The following RABEP2 variants were observed in gnomAD, a reference collection of about 807,000 sequenced individuals.
RABEP2 encodes rab GTPase-binding effector protein 2.
A neutral mutation model predicts 74.1 loss-of-function variants in RABEP2; 57 were observed. That is an observed-to-expected ratio of 0.77 (90% confidence interval 0.62 to 0.96). RABEP2 has a LOEUF of 0.96. RABEP2 is among the 40% of genes least tolerant of loss of function. The pLI is 0.00. For missense variants in RABEP2, 692 were observed against 756.3 expected, an observed-to-expected ratio of 0.91 and a Z score of 1.00; for synonymous variants, 351 against 344.0, an observed-to-expected ratio of 1.02 and a Z score of -0.23.
intron 2 of RABEP2, among the ~76,000 whole-genome samples, chr16:28,921,737 G>A (rs546478032): frequency 1.3e-5 from 2 of 150,670 alleles, no homozygotes; most frequent in Admixed American, 1.3e-4. Context: ...AGGCCGAGGT[G>A]GGCAGATCAT....
At chr16:28,909,743 G>A (rs969560277) in intron 7 of RABEP2, among the ~76,000 whole-genome samples, 2 of 151,264 alleles carry the variant, frequency 1.3e-5, no homozygotes, top group African/African-American at 4.9e-5. Context: ...AAAAACAGGA[G>A]GCCGGGCTCA....
intron 2 of RABEP2, among the ~76,000 whole-genome samples, chr16:28,922,511 G>T (rs1184317077): frequency 6.6e-6 from 1 of 152,032 alleles, no homozygotes; most frequent in Non-Finnish European, 1.5e-5. Flanking sequence ...CACGAGGTCA[G>T]GAGATCGAGA....
At position 28,905,743 on chromosome 16, in the gene RABEP2, C is replaced by T; in HGVS notation, c.1452G>A (p.Leu484=). 6.2e-7 allele frequency: 1 copy of T among 1,614,056 alleles called. No individual in the cohort carries two copies. Among genetic ancestry groups the T allele is most frequent in the Non-Finnish European group, 8.5e-7 (1 of 1,179,962 alleles). Residue 484 remains leucine (L), a synonymous_variant, in exon 11 of 13, where the codon CTG becomes CTA. Coordinates refer to ENST00000358201, the MANE Select transcript of RABEP2 (RefSeq NM_024816.3). ...GCTGCACCCGCTCCATCTCTGTCCTCAGGCTGCACAGGGAGGCTGGGAAGT... is the reference window on the plus strand; with the variant it reads ...GCTGCACCCGCTCCATCTCTGTCCTTAGGCTGCACAGGGAGGCTGGGAAGT... The part of the protein sequence containing the change: ...TEVLEASLCS[L]RTEMERVQQE...
rs552430738 is a variant in RABEP2, at chr16:28,910,568, C to A, written c.1089+320G>T. The A allele has an allele frequency of 1.5e-3, 357 of 237,364 alleles. 7 individuals are homozygous for A. Among genetic ancestry groups the A allele is most frequent in the Non-Finnish European group, 2.9e-4 (35 of 120,716 alleles). 14.7% of individuals were successfully genotyped at this position (237,364 alleles called of 1,614,324 possible). A position where few individuals can be genotyped will look rare whatever the true frequency, so the allele number is the denominator to read the frequency against. The stretch of plus-strand genomic sequence containing the variant: ...AGGATTACAGGTATGAGTCACCTCG[C>A]CCAGTCAGATTTGATTTTAATCCTC... On this transcript the variant is annotated intron_variant, in intron 7 of 12. Transcript: ENST00000358201.
At chr16:28,912,661 C>CTTCAGTGTCCCAAAGTGCTGA (rs1418411376) in intron 5 of RABEP2, among the ~76,000 whole-genome samples, 1 of 152,086 alleles carries the variant, frequency 6.6e-6, no homozygotes, top group Non-Finnish European at 1.5e-5. Context: ...ATTCTGCCCG[C>CTTCAGTGTCCCAAAGTGCTGA]TTCAGTGTCC....
chr16:28,911,040 G>A (rs2042008581), intron 6 of RABEP2, 44 bp downstream of exon 6: 1 of 1,610,118 alleles, frequency 6.2e-7, no homozygotes, highest in Admixed American at 1.7e-5. Flanking sequence ...GGGGCGGCAG[G>A]TAGCCAGAGG....
chr16:28,914,761 G>A lies in RABEP2; in HGVS notation c.454C>T (p.Leu152=). Residue 152 remains leucine, a synonymous_variant, in exon 4 of 13, where the codon CTG becomes TTG. Transcript: ENST00000358201. ...TCCATGGGCAGTACGATCTCCCGCA[G>A]CTTCTCCGAGTCCTCGTGGGCCTGG... ...MEKAHEDSEK[L]REIVLPMEKE... The A allele has an allele frequency of 6.2e-7, 1 of 1,614,150 alleles. No homozygotes were observed.
intron 7 of RABEP2, among the ~76,000 whole-genome samples, 154 bp from the exon 8 acceptor site, chr16:28,908,918 A>G (rs1000705449): frequency 5.3e-5 from 8 of 151,742 alleles, no homozygotes; most frequent in South Asian, 2.1e-4. Flanking sequence ...TTTTGCTACC[A>G]AGCTCTTCAG....
At chr16:28,906,368 C>T (rs1375161093) in intron 8 of RABEP2, among the ~76,000 whole-genome samples, 172 bp from the exon 9 acceptor site, 1 of 152,202 alleles carries the variant, frequency 6.6e-6, no homozygotes, top group African/African-American at 2.4e-5. Flanking sequence ...AGGACAGGTG[C>T]GCTCCGGCCC....
At chr16:28,924,339 CT>C in intron 2 of RABEP2, 63 bp downstream of exon 2, 1 of 1,504,912 alleles carries the variant, frequency 6.6e-7, no homozygotes, top group Non-Finnish European at 9.1e-7. Context: ...CCCCCAATCC[CT>C]TTCTCGTCAT....
In RABEP2 at chr16:28,911,531, C is replaced by T. The variant is rs536178881; in HGVS notation, c.895-352G>A. Among the ~76,000 whole-genome samples, 347 of 151,764 alleles carry T rather than the reference C, an allele frequency of 2.3e-3. 2 individuals carry two copies. The highest frequency in any genetic ancestry group is 3.4e-3 in the Middle Eastern group (1 of 294). On this transcript the variant is annotated intron_variant, in intron 5 of 12. Transcript: ENST00000358201. ...ACAAAAAATTAGCCGGGCGTGGTGG[C>T]GGGACACCTGTAATCTCAGCTACTC...
At chr16:28,906,946 G>A (rs948439120) in intron 8 of RABEP2, among the ~76,000 whole-genome samples, 5 of 152,016 alleles carry the variant, frequency 3.3e-5, no homozygotes, top group Non-Finnish European at 5.9e-5. Flanking sequence ...GCGACAGAGC[G>A]AGACTCTGTC....
chr16:28,919,561 CTTAAG>C lies in RABEP2; in HGVS notation c.432+220_432+224del, dbSNP rs754397333. ...TGTAAGTTCCCTTCCCTCTACATAA[CTTAAG>C]TTAATTTTGGAGCTAAGCGAACTTG... On this transcript the variant is annotated intron_variant, in intron 3 of 12. Transcript: ENST00000358201. 112 of 412,374 alleles carry C rather than the reference CTTAAG, an allele frequency of 2.7e-4. 5 individuals carry two copies. The highest frequency in any genetic ancestry group is 1.0e-3 in the East Asian group (29 of 27,814). 25.5% of individuals were successfully genotyped at this position (412,374 alleles called of 1,614,324 possible).
chr16:28,915,825 C>A (rs1214712318), intron 3 of RABEP2, among the ~76,000 whole-genome samples: 1 of 151,724 alleles, frequency 6.6e-6, no homozygotes, highest in Non-Finnish European at 1.5e-5. Flanking sequence ...TGTGAGCCAC[C>A]GTGCCTGGCC....
At chr16:28,913,221 C>T (rs938521303) in intron 5 of RABEP2, among the ~76,000 whole-genome samples, 3 of 151,970 alleles carry the variant, frequency 2.0e-5, no homozygotes, top group East Asian at 1.9e-4. Flanking sequence ...TGAGCCACCG[C>T]GCCCGGCCTG....
chr16:28,907,995 T>C (rs990668494), intron 8 of RABEP2, among the ~76,000 whole-genome samples: 3 of 152,104 alleles, frequency 2.0e-5, no homozygotes, highest in Non-Finnish European at 2.9e-5. Flanking sequence ...AGATGGGGTT[T>C]TGCCATGTTG....
At chr16:28,910,817 C>G in intron 7 of RABEP2, 71 bp downstream of exon 7, 1 of 1,356,590 alleles carries the variant, frequency 7.4e-7, no homozygotes, top group Non-Finnish European at 1.0e-6. Context: ...CCCACGTGCC[C>G]CCTTCCACCA....
rs1485219625 is a variant in RABEP2, at chr16:28,905,296, G to A, written c.1608+101C>T. 2.1e-5 allele frequency: 18 copies of A among 856,454 alleles called. No homozygotes were observed. In the South Asian group the frequency reaches 2.4e-4, roughly 12 times the overall value. 53.1% of individuals were successfully genotyped at this position (856,454 alleles called of 1,614,324 possible). A position where few individuals can be genotyped will look rare whatever the true frequency, so the allele number is the denominator to read the frequency against. On this transcript the variant is annotated intron_variant, in intron 12 of 12. Transcript: ENST00000358201. The stretch of plus-strand genomic sequence containing the variant: ...GACAGGACCATGCCAGCCCCAGGAG[G>A]AAGAAAGGACTCCCCTAACCAGGGA...
At chr16:28,921,032 T>G (rs571302399) in intron 2 of RABEP2, 2 of 364,364 alleles carry the variant, frequency 5.5e-6, no homozygotes, top group East Asian at 1.6e-4. Flanking sequence ...CCTGGCTAAT[T>G]TTTGTATTTT....
Sources: allele counts gnomAD v4.1 joint callset (sites outside exome capture counted in the v4.1 genomes callset), GRCh38; gene constraint gnomAD v4.1.1; transcripts MANE v1.5; gene names NCBI Gene and HGNC (gene_info 2026-07-23, HGNC 2026-07-21).